Variants in POU2AF1 observed in about 807,000 individuals in gnomAD.
The protein encoded by POU2AF1 is POU domain class 2-associating factor 1.
Under a neutral mutation model 26.3 loss-of-function variants are expected in POU2AF1, and 12 were observed. That is an observed-to-expected ratio of 0.46 (90% CI 0.29 to 0.74). The LOEUF (loss-of-function observed/expected upper bound fraction) is 0.74, where lower values mean the gene tolerates loss of function less well. POU2AF1 is among the 30% of genes least tolerant of loss of function. The pLI, the probability that POU2AF1 is intolerant of heterozygous loss-of-function variation, is 0.09. For synonymous variants in POU2AF1, 175 were observed against 148.0 expected, an observed-to-expected ratio of 1.18 and a Z score of -1.32; for missense variants, 297 against 334.5, an observed-to-expected ratio of 0.89 and a Z score of 0.87.
chr11:111,369,858 T>A (rs1861174661), intron 1 of POU2AF1, among the ~76,000 whole-genome samples: 1 of 152,202 alleles, frequency 6.6e-6, no homozygotes, highest in Non-Finnish European at 1.5e-5. Flanking sequence ...ATTGCCCATC[T>A]GAGCTAGGAT....
intron 1 of POU2AF1, among the ~76,000 whole-genome samples, chr11:111,373,779 G>T (rs1417260126): frequency 2.0e-5 from 3 of 152,138 alleles, no homozygotes; most frequent in African/African-American, 7.2e-5. Flanking sequence ...TATCACACAA[G>T]CGGGACAAGA....
Position 111,354,120 on chromosome 11 carries a change from T to G in POU2AF1, c.*141A>C. On this transcript the variant is annotated 3_prime_UTR_variant, in exon 5 of 5. Coordinates refer to ENST00000393067, the MANE Select transcript of POU2AF1 (RefSeq NM_006235.3). ...AGGGGAAGGAAGAAGGGAAGGAAGG[T>G]TTACAGGTCTACAATTCTAGCTGTG... 1 of 882,444 alleles carries G rather than the reference T, an allele frequency of 1.1e-6. No individual in the cohort carries two copies. Among genetic ancestry groups the G allele is most frequent in the East Asian group, 2.9e-5 (1 of 34,140 alleles). 54.7% of individuals were successfully genotyped at this position (882,444 alleles called of 1,614,324 possible). A position where few individuals can be genotyped will look rare whatever the true frequency, so the allele number is the denominator to read the frequency against.
intron 4 of POU2AF1, among the ~76,000 whole-genome samples, chr11:111,357,180 G>A (rs189884972): frequency 6.6e-6 from 1 of 152,210 alleles, no homozygotes; most frequent in East Asian, 1.9e-4. Flanking sequence ...AGGGAAGCTG[G>A]GGAGATTTAG....
intron 1 of POU2AF1, among the ~76,000 whole-genome samples, chr11:111,362,152 C>T (rs1392823117): frequency 2.0e-5 from 3 of 152,280 alleles, no homozygotes; most frequent in South Asian, 2.1e-4. Flanking sequence ...ACCCCATGGC[C>T]ACGTCAGCAT....
intron 1 of POU2AF1, among the ~76,000 whole-genome samples, chr11:111,360,942 CAAA>C (rs200008065): frequency 5.8e-5 from 5 of 86,692 alleles, no homozygotes; most frequent in Non-Finnish European, 9.9e-5. Context: ...GACTCTGTCT[CAAA>C]AAAAAAAAAA....
intron 1 of POU2AF1, among the ~76,000 whole-genome samples, chr11:111,371,902 T>C (rs183570656): frequency 4.6e-4 from 70 of 152,166 alleles, no homozygotes; most frequent in Admixed American, 2.3e-3. Context: ...AACTCAGATC[T>C]GCCTGCCCCA....
At position 111,354,370 on chromosome 11, in the gene POU2AF1, T is replaced by C. The variant is rs1186730628; in HGVS notation, c.662A>G (p.Glu221Gly). Residue 221 changes from glutamate to glycine, a missense_variant, in exon 5 of 5, where the codon GAA (glutamate) becomes GGA (glycine). Glu to Gly is a moderately conservative substitution (Grantham distance 98). Coordinates refer to ENST00000393067, the MANE Select transcript of POU2AF1 (RefSeq NM_006235.3). ...CGAGCTGGCGGCTCTTCTGGGGTCT[T>C]CCATGTCCTGAAGGACTGGCTCTGG... ...SIPEPVLQDM[E>G]DPRRAASSLT... 1.2e-6 allele frequency: 2 copies of C among 1,614,194 alleles called. No homozygotes were observed. The highest frequency in any genetic ancestry group is 1.7e-6 in the Non-Finnish European group (2 of 1,180,018).
Position 111,353,302 on chromosome 11 carries a change from G to A in POU2AF1, c.*959C>T, listed in dbSNP as rs1860772245. On this transcript the variant is annotated 3_prime_UTR_variant, in exon 5 of 5. Transcript: ENST00000393067. Reference sequence around the variant, plus strand: ...GTTTATTGTTCTTCTTAATAACCAAGTAATCTGGAGCCAAGTCATTCCTCA... The same window carrying A: ...GTTTATTGTTCTTCTTAATAACCAAATAATCTGGAGCCAAGTCATTCCTCA... The A allele has an allele frequency of 4.3e-6, 1 of 233,616 alleles. No individual in the cohort carries two copies. The highest frequency in any genetic ancestry group is 8.5e-6 in the Non-Finnish European group (1 of 118,206). 14.5% of individuals were successfully genotyped at this position (233,616 alleles called of 1,614,324 possible). A position where few individuals can be genotyped will look rare whatever the true frequency, so the allele number is the denominator to read the frequency against.
intron 1 of POU2AF1, chr11:111,364,021 A>G (rs979448729): frequency 2.8e-5 from 27 of 979,076 alleles, no homozygotes; most frequent in African/African-American, 1.2e-4. Context: ...TTTGAGGGGG[A>G]AAAAAAATCA....
intron 1 of POU2AF1, among the ~76,000 whole-genome samples, chr11:111,378,255 A>T (rs6421552): frequency 0.58 from 87,684 of 151,740 alleles, 26,843 homozygotes; most frequent in Admixed American, 0.72. Context: ...ACAGCATACT[A>T]AAATTAATTA....
chr11:111,354,674 G>T (rs1860808899), intron 4 of POU2AF1, 99 bp from the exon 5 acceptor site: 6 of 1,085,520 alleles, frequency 5.5e-6, no homozygotes, highest in South Asian at 4.0e-5. Flanking sequence ...CTTCAATTCT[G>T]CCCTTTCCTG....
At position 111,353,810 on chromosome 11, in the gene POU2AF1, T is replaced by C. The variant is rs1860782919; in HGVS notation, c.*451A>G. 3.8e-6 allele frequency: 1 copy of C among 265,026 alleles called. No individual in the cohort carries two copies. Among genetic ancestry groups the C allele is most frequent in the South Asian group, 1.1e-4 (1 of 8,946 alleles). The allele number at this position is 265,026 out of a possible 1,614,324, so 16.4% of individuals were successfully genotyped here. A position where few individuals can be genotyped will look rare whatever the true frequency, so the allele number is the denominator to read the frequency against. ...ACCACAGACTTGGCAACATTTGACA[T>C]AAAATGTTATTGCTAAAATCCCTAT... On this transcript the variant is annotated 3_prime_UTR_variant, in exon 5 of 5. Transcript: ENST00000393067.
Position 111,354,200 on chromosome 11 carries a change from C to T in POU2AF1, c.*61G>A. On this transcript the variant is annotated 3_prime_UTR_variant, in exon 5 of 5. Coordinates refer to ENST00000393067, the MANE Select transcript of POU2AF1 (RefSeq NM_006235.3). Reference sequence around the variant, plus strand: ...TCCAAACAAGCATGAACCTGGGGCTCAATTCCAGGCTCATTTTAAAATCCC... The same window carrying T: ...TCCAAACAAGCATGAACCTGGGGCTTAATTCCAGGCTCATTTTAAAATCCC... 1 of 1,558,070 alleles carries T rather than the reference C, an allele frequency of 6.4e-7. No individual in the cohort carries two copies.
At chr11:111,361,205 G>T (rs1861002014) in intron 1 of POU2AF1, among the ~76,000 whole-genome samples, 1 of 39,222 alleles carries the variant, frequency 2.5e-5, no homozygotes, top group Non-Finnish European at 1.0e-4. Flanking sequence ...CAGTCTAACG[G>T]GGAAGACAAG....
rs1039805822 is a variant in POU2AF1 at position 111,366,457 on chromosome 11, T to C, written c.17-7539A>G. 7.9e-5 allele frequency among the ~76,000 whole-genome samples: 12 copies of C among 152,154 alleles called. 1 individual carries two copies. Among genetic ancestry groups the C allele is most frequent in the African/African-American group, 2.9e-4 (12 of 41,436 alleles). On this transcript the variant is annotated intron_variant, in intron 1 of 4. Coordinates refer to ENST00000393067, the MANE Select transcript of POU2AF1 (RefSeq NM_006235.3). ...GGCTGCTGGACAGCTGAAGAATAAGTTGTAATATCTTGCTTGGTAGGCTGG... is the reference window on the plus strand; with the variant it reads ...GGCTGCTGGACAGCTGAAGAATAAGCTGTAATATCTTGCTTGGTAGGCTGG...
At chr11:111,355,645 G>T (rs568033571) in intron 4 of POU2AF1, among the ~76,000 whole-genome samples, 5 of 152,286 alleles carry the variant, frequency 3.3e-5, no homozygotes, top group African/African-American at 1.2e-4. Context: ...AGTGGGGCCT[G>T]GGATTTTGCA....
intron 1 of POU2AF1, among the ~76,000 whole-genome samples, chr11:111,368,477 G>C (rs1164929877): frequency 2.6e-5 from 4 of 152,158 alleles, no homozygotes; most frequent in African/African-American, 9.6e-5. Context: ...CAGATTCTAA[G>C]ATGGAAATCA....
intron 1 of POU2AF1, among the ~76,000 whole-genome samples, chr11:111,368,266 T>C (rs1447128182): frequency 6.6e-6 from 1 of 151,706 alleles, no homozygotes; most frequent in African/African-American, 2.4e-5. Flanking sequence ...TGTATAGAGG[T>C]GAGTGCAAGA....
chr11:111,356,575 T>A (rs1023684119), intron 4 of POU2AF1, among the ~76,000 whole-genome samples: 1 of 152,242 alleles, frequency 6.6e-6, no homozygotes, highest in Non-Finnish European at 1.5e-5. Context: ...CAGGTCTTTT[T>A]GCCCTTGAAT....
Sources: gnomAD v4.1 joint callset for allele counts (sites outside exome capture counted in the v4.1 genomes callset) on GRCh38, gnomAD v4.1.1 for gene constraint, MANE v1.5 for transcripts, NCBI Gene and HGNC (gene_info 2026-07-23, HGNC 2026-07-21) for gene names.